Variants in NXPH1 observed in about 807,000 individuals in gnomAD.
NXPH1 encodes the protein neurexophilin 1.
In NXPH1, 5 loss-of-function variants were observed where a neutral mutation model predicts 23.7. The ratio of observed to expected loss-of-function variants is 0.21; its 90% CI spans 0.11 to 0.44. NXPH1 has a LOEUF of 0.44. Ranked by LOEUF, NXPH1 falls within the 20% of genes least tolerant of loss-of-function variation. The probability of loss-of-function intolerance (pLI) is 0.99; values close to 1 mark genes in which losing one functional copy is unlikely to be tolerated. For synonymous variants in NXPH1, 144 were observed against 122.2 expected, an observed-to-expected ratio of 1.18 and a Z score of -1.18; for missense variants, 324 against 321.6, an observed-to-expected ratio of 1.01 and a Z score of -0.06.
At chr7:8,617,117 T>C (rs962603109) in intron 2 of NXPH1, among the ~76,000 whole-genome samples, 1 of 152,102 alleles carries the variant, frequency 6.6e-6, no homozygotes, top group Non-Finnish European at 1.5e-5. Flanking sequence ...CTGGCATCTA[T>C]TGAGTAGAGG....
At chr7:8,686,911 G>A (rs1224541292) in intron 2 of NXPH1, among the ~76,000 whole-genome samples, 3 of 152,026 alleles carry the variant, frequency 2.0e-5, no homozygotes, top group Non-Finnish European at 2.9e-5. Flanking sequence ...AACAAATGAC[G>A]ATAATTTTGA....
intron 2 of NXPH1, among the ~76,000 whole-genome samples, chr7:8,650,920 T>C (rs971942620): frequency 6.6e-6 from 1 of 152,162 alleles, no homozygotes; most frequent in Non-Finnish European, 1.5e-5. Flanking sequence ...AAATATACCA[T>C]TGAAGGTTGA....
chr7:8,592,501 T>A (rs930362060), intron 2 of NXPH1, among the ~76,000 whole-genome samples: 2 of 152,056 alleles, frequency 1.3e-5, no homozygotes, highest in African/African-American at 2.4e-5. Context: ...GTTTAAATTA[T>A]AGCTTCTTAC....
intron 2 of NXPH1, among the ~76,000 whole-genome samples, chr7:8,607,986 A>G (rs1482703819): frequency 6.6e-6 from 1 of 152,236 alleles, no homozygotes; most frequent in African/African-American, 2.4e-5. Context: ...CTGCAAGCCA[A>G]GGAATGCCAA....
intron 2 of NXPH1, among the ~76,000 whole-genome samples, chr7:8,722,011 A>T (rs995306972): frequency 2.0e-5 from 3 of 152,124 alleles, no homozygotes; most frequent in African/African-American, 7.2e-5. Context: ...TCCTGTTGAG[A>T]GTTACTGACT....
chr7:8,482,805 T>C (rs1182202733), intron 2 of NXPH1, among the ~76,000 whole-genome samples: 1 of 152,222 alleles, frequency 6.6e-6, no homozygotes, highest in Non-Finnish European at 1.5e-5. Flanking sequence ...AAGAGACTGA[T>C]AAGCGGGCCT....
At position 8,630,178 on chromosome 7, in the gene NXPH1, T is replaced by C. The variant is rs6970873; in HGVS notation, c.55-120830T>C. On this transcript the variant is annotated intron_variant, in intron 2 of 2. Transcript: ENST00000405863. ...TAGATGCCATCAGAGGGTGACATTC[T>C]AGTTCTGGGTCCTGTGCTTCATTAA... 6.5e-3 allele frequency among the ~76,000 whole-genome samples: 993 copies of C among 152,262 alleles called. 15 individuals are homozygous for C. Among genetic ancestry groups the C allele is most frequent in the African/African-American group, 0.022 (932 of 41,554 alleles).
At chr7:8,523,827 TGGG>T (rs1817815883) in intron 2 of NXPH1, among the ~76,000 whole-genome samples, 1 of 152,192 alleles carries the variant, frequency 6.6e-6, no homozygotes, top group Non-Finnish European at 1.5e-5. Context: ...TTCTATATCA[TGGG>T]TCTGGACATG....
intron 2 of NXPH1, among the ~76,000 whole-genome samples, chr7:8,629,648 A>G (rs1820081143): frequency 6.6e-6 from 1 of 152,042 alleles, no homozygotes; most frequent in Non-Finnish European, 1.5e-5. Context: ...TATTGTCTGT[A>G]AAGTAGAGGC....
intron 2 of NXPH1, among the ~76,000 whole-genome samples, chr7:8,517,628 G>A (rs1456810187): frequency 7.2e-5 from 11 of 152,090 alleles, no homozygotes; most frequent in East Asian, 5.8e-4. Context: ...GAGAACATAC[G>A]GCACTGGATT....
chr7:8,495,299 G>T (rs548337598), intron 2 of NXPH1, among the ~76,000 whole-genome samples: 1 of 151,806 alleles, frequency 6.6e-6, no homozygotes, highest in East Asian at 1.9e-4. Flanking sequence ...CAACTGATTT[G>T]ATGAGACCCA....
intron 2 of NXPH1, among the ~76,000 whole-genome samples, chr7:8,632,773 C>A (rs1003985812): frequency 1.3e-5 from 2 of 151,944 alleles, no homozygotes; most frequent in African/African-American, 4.8e-5. Flanking sequence ...AGTAGGGCTT[C>A]TAAGGCCCCT....
intron 2 of NXPH1, among the ~76,000 whole-genome samples, chr7:8,591,846 CTT>C (rs111935394): frequency 0.28 from 39,492 of 140,790 alleles, 5,797 homozygotes; most frequent in African/African-American, 0.39. Flanking sequence ...GCTGAGGTTT[CTT>C]TTTTTTTTTT....
intron 2 of NXPH1, among the ~76,000 whole-genome samples, chr7:8,629,093 C>G (rs1407438351): frequency 1.3e-5 from 2 of 151,930 alleles, no homozygotes; most frequent in African/African-American, 2.4e-5. Flanking sequence ...GATTCCATTT[C>G]TGAAATACTG....
chr7:8,546,317 A>G (rs983686037), intron 2 of NXPH1, among the ~76,000 whole-genome samples: 2 of 151,440 alleles, frequency 1.3e-5, no homozygotes, highest in Non-Finnish European at 3.0e-5. Flanking sequence ...TATGGAGGAA[A>G]GTATGTTCCA....
intron 2 of NXPH1, among the ~76,000 whole-genome samples, chr7:8,665,913 TTTTTC>T (rs1562447968): frequency 1.8e-4 from 4 of 21,914 alleles, no homozygotes; most frequent in Non-Finnish European, 4.5e-4. Flanking sequence ...TTTTTTTTTC[TTTTTC>T]TTTTTTTTTT....
intron 2 of NXPH1, among the ~76,000 whole-genome samples, chr7:8,605,177 T>C (rs1819456977): frequency 6.6e-6 from 1 of 152,080 alleles, no homozygotes; most frequent in Admixed American, 6.6e-5. Context: ...GTGTGGAAAA[T>C]GAAAGGTGAT....
intron 2 of NXPH1, among the ~76,000 whole-genome samples, chr7:8,723,280 G>A (rs1231667350): frequency 2.0e-5 from 3 of 152,126 alleles, no homozygotes; most frequent in African/African-American, 7.2e-5. Context: ...AGTTTGGCAG[G>A]CTCTGTTCTC....
intron 2 of NXPH1, among the ~76,000 whole-genome samples, chr7:8,572,070 A>G (rs537529807): frequency 6.6e-6 from 1 of 151,862 alleles, no homozygotes; most frequent in African/African-American, 2.4e-5. Flanking sequence ...AAAACAGGAC[A>G]CCCAGTTAAA....
Sources: allele counts gnomAD v4.1 joint callset (sites outside exome capture counted in the v4.1 genomes callset), GRCh38; gene constraint gnomAD v4.1.1; transcripts MANE v1.5; gene names NCBI Gene and HGNC (gene_info 2026-07-23, HGNC 2026-07-21).